TMEM178A: variants seen among roughly 807,000 people sequenced by gnomAD.
The protein encoded by TMEM178A is transmembrane protein 178.
Under a neutral mutation model 29.1 loss-of-function variants are expected in TMEM178A, and 12 were observed. That is an observed-to-expected ratio of 0.41 (90% CI 0.26 to 0.67). The LOEUF (loss-of-function observed/expected upper bound fraction) is 0.67. Among genes scored for constraint, TMEM178A ranks in the 30% least tolerant of loss-of-function variants. TMEM178A has a pLI of 0.29. For synonymous variants in TMEM178A, 210 were observed against 187.2 expected (o/e 1.12, Z -0.99); for missense variants, 366 against 419.1 (o/e 0.87, Z 1.11).
chr2:39,677,962 G>T (rs1213847732), intron 1 of TMEM178A, among the ~76,000 whole-genome samples: 2 of 138,834 alleles, frequency 1.4e-5, no homozygotes, highest in East Asian at 4.1e-4. Flanking sequence ...GGTTCGACAA[G>T]AAAAAAAAAA....
At chr2:39,718,020 G>A (rs1672620569), downstream of TMEM178A, 1 of 152,472 alleles carries the variant, frequency 6.6e-6, no homozygotes, top group East Asian at 1.9e-4. Flanking sequence ...CTAGCCATAA[G>A]GACAGAGGAA....
intron 1 of TMEM178A, among the ~76,000 whole-genome samples, chr2:39,698,587 T>C (rs1032720521): frequency 7.9e-5 from 12 of 152,204 alleles, no homozygotes; most frequent in Admixed American, 2.6e-4. Flanking sequence ...ATTTTGCATA[T>C]CTATACATAA....
Position 39,666,336 on chromosome 2 carries a change from TG to T in TMEM178A, c.365del (p.Gly122AlafsTer11). The T allele has an allele frequency of 6.9e-7, 1 of 1,449,618 alleles. No homozygotes were observed. The highest frequency in any genetic ancestry group is 9.1e-7 in the Non-Finnish European group (1 of 1,100,712). 89.8% of individuals were successfully genotyped at this position (1,449,618 alleles called of 1,614,324 possible). ...GGCCTCTGGAGGAAGTGCTACTTCC[TG>T]GGCATCGACCGGGACATCGACACCC... ...YSGLWRKCYFLGIDRDIDTLI... is the reference protein window; with the variant it reads ...YSGLWRKCYFXGIDRDIDTLI... On this transcript the variant is annotated frameshift_variant, in exon 1 of 4. Coordinates refer to ENST00000281961, the MANE Select transcript of TMEM178A (RefSeq NM_152390.3). LOFTEE classifies it high-confidence loss of function.
At chr2:39,719,176 G>A (rs777366894), downstream of TMEM178A, among the ~76,000 whole-genome samples, 20 of 152,316 alleles carry the variant, frequency 1.3e-4, no homozygotes, top group South Asian at 4.1e-4. Flanking sequence ...GATCAGAGAC[G>A]TATAGAAAGG....
chr2:39,734,718 C>T, the TMEM178A span, among the ~76,000 whole-genome samples: 1 of 152,186 alleles, frequency 6.6e-6, no homozygotes, highest in East Asian at 1.9e-4. Context: ...CTAGCAAGTC[C>T]AAAACAGAAT....
chr2:39,715,898 G>C (rs1388339291), intron 3 of TMEM178A, among the ~76,000 whole-genome samples: 2 of 152,176 alleles, frequency 1.3e-5, no homozygotes, highest in Admixed American at 6.5e-5. Context: ...GGTGGGTAGA[G>C]GGCGGGGAGC....
Position 39,717,244 on chromosome 2 carries a change from C to T in TMEM178A, c.887C>T (p.Thr296Met), listed in dbSNP as rs766865173. Residue 296 changes from threonine to methionine, a missense_variant, in exon 4 of 4, where the codon ACG (threonine) becomes ATG (methionine). Thr to Met is a moderately conservative substitution (Grantham distance 81, BLOSUM62 -1). Around this residue, in one of 2 missense-constraint regions of TMEM178A, gnomAD observed 119 missense variants for 172.2 expected, o/e 0.69. Coordinates refer to ENST00000281961, the MANE Select transcript of TMEM178A (RefSeq NM_152390.3). ...CAGCTAAAGTCTGGCAGAGACTCCA[C>T]GGTATGACTGTCCTCACTGGGCCTG... ...IAQLKSGRDS[T>M]V is the part of the protein sequence containing the mutation. 82 of 1,613,342 alleles carry T rather than the reference C, an allele frequency of 5.1e-5. No homozygotes were observed. The highest frequency in any genetic ancestry group is 8.0e-5 in the African/African-American group (6 of 74,710).
Position 39,708,447 on chromosome 2 carries a change from T to C in TMEM178A, c.652+1261T>C, listed in dbSNP as rs188268547. On this transcript the variant is annotated intron_variant, in intron 3 of 3. Transcript: ENST00000281961. ...TTTTTTTTTTTTTTTGAGACGGAGT[T>C]TCGCTCTGTCGCCCAGGCTGGAGTG... 1.1e-3 allele frequency among the ~76,000 whole-genome samples: 149 copies of C among 131,086 alleles called. 1 individual carries two copies. Among genetic ancestry groups the C allele is most frequent in the Non-Finnish European group, 1.9e-3 (117 of 61,492 alleles). 86.0% of individuals were successfully genotyped at this position (131,086 alleles called of 152,430 possible).
At chr2:39,679,248 C>G (rs545673027) in intron 1 of TMEM178A, among the ~76,000 whole-genome samples, 1 of 152,288 alleles carries the variant, frequency 6.6e-6, no homozygotes, top group African/African-American at 2.4e-5. Flanking sequence ...ATTCAAATCA[C>G]GGTCATATCT....
At chr2:39,665,897 G>A (rs1301813062), upstream of TMEM178A, 1 of 1,244,696 alleles carries the variant, frequency 8.0e-7, no homozygotes, top group Non-Finnish European at 1.0e-6. Flanking sequence ...GAGGGAGCGG[G>A]CGGAGAGCTG....
At chr2:39,665,655 G>A, upstream of TMEM178A, 1 of 282,576 alleles carries the variant, frequency 3.5e-6, no homozygotes, top group South Asian at 1.5e-4. Context: ...GGAGAGGGGC[G>A]AGAGGAGTGC....
At chr2:39,667,055 G>A (rs1670198138) in intron 1 of TMEM178A, among the ~76,000 whole-genome samples, 1 of 152,154 alleles carries the variant, frequency 6.6e-6, no homozygotes, top group Non-Finnish European at 1.5e-5. Flanking sequence ...GAGGCTGCCC[G>A]AGGCAGATAG....
intron 1 of TMEM178A, among the ~76,000 whole-genome samples, chr2:39,686,924 T>G (rs1671100580): frequency 6.6e-6 from 1 of 150,716 alleles, no homozygotes. Flanking sequence ...GGGCCTGAGA[T>G]GTAGGCTAAA....
chr2:39,708,619 G>A (rs1237347038), intron 3 of TMEM178A, among the ~76,000 whole-genome samples: 1 of 151,070 alleles, frequency 6.6e-6, no homozygotes, highest in East Asian at 2.0e-4. Context: ...GGGTTTCACC[G>A]TGTTAGCCAG....
downstream of TMEM178A, among the ~76,000 whole-genome samples, chr2:39,722,085 T>C (rs539989357): frequency 4.3e-4 from 65 of 149,596 alleles, no homozygotes; most frequent in South Asian, 0.013. Context: ...AAGAACCCAG[T>C]TAGGAAGGAG....
chr2:39,676,106 A>G (rs527659114), intron 1 of TMEM178A, among the ~76,000 whole-genome samples: 1 of 152,354 alleles, frequency 6.6e-6, no homozygotes, highest in East Asian at 1.9e-4. Flanking sequence ...CTCATTAGAT[A>G]TGAAACATTA....
intron 3 of TMEM178A, among the ~76,000 whole-genome samples, chr2:39,714,077 C>T (rs574330910): frequency 6.6e-5 from 10 of 152,208 alleles, no homozygotes; most frequent in Admixed American, 2.0e-4. Flanking sequence ...CTTAGAAATG[C>T]GAGGGTCTGA....
chr2:39,728,501 T>C, the TMEM178A span, among the ~76,000 whole-genome samples: 9 of 152,334 alleles, frequency 5.9e-5, no homozygotes, highest in African/African-American at 2.2e-4. Flanking sequence ...TGTACCCTAT[T>C]CTGGAGGAGG....
chr2:39,717,332 G>A lies in TMEM178A; in HGVS notation c.*81G>A. The A allele has an allele frequency of 6.6e-7, 1 of 1,517,244 alleles. No homozygotes were observed. 94.0% of individuals were successfully genotyped at this position (1,517,244 alleles called of 1,614,324 possible). On this transcript the variant is annotated 3_prime_UTR_variant, in exon 4 of 4. Coordinates refer to ENST00000281961, the MANE Select transcript of TMEM178A (RefSeq NM_152390.3). ...AGTTCAGGAGTCCAAGCACAAAGCGGTCTTTTACATTCCAACCTGTTGCCT... is the reference window on the plus strand; with the variant it reads ...AGTTCAGGAGTCCAAGCACAAAGCGATCTTTTACATTCCAACCTGTTGCCT...
Sources: allele counts gnomAD v4.1 joint callset (sites outside exome capture counted in the v4.1 genomes callset), GRCh38; gene constraint gnomAD v4.1.1; regional missense constraint gnomAD v4.1.1; transcripts MANE v1.5; gene names NCBI Gene and HGNC (gene_info 2026-07-23, HGNC 2026-07-21).